The following QKI variants were observed in gnomAD, a reference collection of about 807,000 sequenced individuals.
QKI encodes the protein QKI, KH domain containing RNA binding, also known as KH domain-containing RNA-binding protein QKI.
In QKI, 10 loss-of-function variants were observed where a neutral mutation model predicts 39.0. The observed-to-expected ratio is 0.26, with a 90% CI of 0.16 to 0.43. QKI has a LOEUF of 0.43. Among genes scored for constraint, QKI ranks in the 20% least tolerant of loss-of-function variants. The probability of loss-of-function intolerance (pLI) is 1.00; values close to 1 mark genes in which losing one functional copy is unlikely to be tolerated. For missense variants in QKI, 218 were observed against 428.0 expected (o/e 0.51, Z 4.33); for synonymous variants, 204 against 155.4 (o/e 1.31, Z -2.33).
chr6:163,419,018 CAG>C (rs1455956759), intron 1 of QKI, among the ~76,000 whole-genome samples: 1 of 152,000 alleles, frequency 6.6e-6, no homozygotes, highest in East Asian at 1.9e-4. Flanking sequence ...TCGTGGATAT[CAG>C]AAAAATTAGT....
chr6:163,546,310 C>T (rs766930945), intron 4 of QKI, among the ~76,000 whole-genome samples: 36 of 151,536 alleles, frequency 2.4e-4, no homozygotes, highest in Non-Finnish European at 4.9e-4. Flanking sequence ...CATCATGTTC[C>T]TTATATATAG....
chr6:163,486,897 A>G (rs369319812), intron 3 of QKI, among the ~76,000 whole-genome samples: 3 of 152,242 alleles, frequency 2.0e-5, no homozygotes, highest in South Asian at 2.1e-4. Flanking sequence ...GTGATAGGAA[A>G]GTACACTTAA....
chr6:163,444,958 G>A (rs79817848), intron 1 of QKI, among the ~76,000 whole-genome samples: 33 of 151,662 alleles, frequency 2.2e-4, no homozygotes, highest in African/African-American at 6.3e-4. Flanking sequence ...TCACCCAGGC[G>A]AGTGCAGCGG....
chr6:163,415,455 C>T, intron 1 of QKI, 120 bp downstream of exon 1: 9 of 1,009,074 alleles, frequency 8.9e-6, no homozygotes, highest in Non-Finnish European at 1.1e-5. Flanking sequence ...GCCGGGGGGA[C>T]TGGGAGGCCA....
chr6:163,455,861 T>C (rs1280636319), intron 2 of QKI, among the ~76,000 whole-genome samples: 1 of 152,154 alleles, frequency 6.6e-6, no homozygotes, highest in Admixed American at 6.5e-5. Context: ...TTTTCCCCCA[T>C]CTTAGTCCAT....
chr6:163,444,327 G>A (rs1230987070), intron 1 of QKI, among the ~76,000 whole-genome samples: 2 of 152,188 alleles, frequency 1.3e-5, no homozygotes, highest in Non-Finnish European at 2.9e-5. Flanking sequence ...AGACCCAGAA[G>A]GTTCAGTTTG....
rs1171452093 is a variant in QKI at position 163,415,005 on chromosome 6, C to T, written c.-189C>T. The T allele has an allele frequency of 1.4e-5, 6 of 441,594 alleles. No homozygotes were observed. The South Asian group carries it at 4.6e-4, about 34-fold the overall frequency. The allele number at this position is 441,594 out of a possible 1,614,324, so 27.4% of individuals were successfully genotyped here. Reference sequence around the variant, plus strand: ...GCGCGTCGGGCCCGGGCGGAAAGTGCCTGCGGGGGGCGGGCGAGCGCGCGG... The same window carrying T: ...GCGCGTCGGGCCCGGGCGGAAAGTGTCTGCGGGGGGCGGGCGAGCGCGCGG... On this transcript the variant is annotated 5_prime_UTR_variant, in exon 1 of 8. Coordinates refer to ENST00000361752, the MANE Select transcript of QKI (RefSeq NM_006775.3).
At chr6:163,439,409 A>C (rs1789576756) in intron 1 of QKI, among the ~76,000 whole-genome samples, 1 of 135,782 alleles carries the variant, frequency 7.4e-6, no homozygotes, top group Admixed American at 7.9e-5. Flanking sequence ...TTGCAGTGGC[A>C]CGATCTCGGC....
At chr6:163,482,019 T>C (rs1031210970) in intron 3 of QKI, among the ~76,000 whole-genome samples, 1 of 151,912 alleles carries the variant, frequency 6.6e-6, no homozygotes, top group Non-Finnish European at 1.5e-5. Flanking sequence ...ATCTCTACAA[T>C]AAAACTTAAA....
At chr6:163,486,871 C>G (rs1777716697) in intron 3 of QKI, among the ~76,000 whole-genome samples, 1 of 152,098 alleles carries the variant, frequency 6.6e-6, no homozygotes, top group South Asian at 2.1e-4. Flanking sequence ...GAGCTTTATG[C>G]CTAAGACTGT....
intron 3 of QKI, among the ~76,000 whole-genome samples, chr6:163,479,712 A>C (rs1007510572): frequency 6.6e-6 from 1 of 152,242 alleles, no homozygotes; most frequent in Non-Finnish European, 1.5e-5. Context: ...GCAAATTAAA[A>C]TATCAGTTCA....
intron 3 of QKI, among the ~76,000 whole-genome samples, chr6:163,529,477 C>G (rs979823187): frequency 6.6e-6 from 1 of 151,814 alleles, no homozygotes; most frequent in African/African-American, 2.4e-5. Flanking sequence ...AGCAAACTTT[C>G]TAATAGCTAG....
rs1215316801 is a variant in QKI at position 163,428,979 on chromosome 6, C to G, written c.142+13644C>G. On this transcript the variant is annotated intron_variant, in intron 1 of 7. Transcript: ENST00000361752. ...TCCTAAAATGTAGAGAATTGGAGAT[C>G]GATCCACAGATTTTCAGTTCATCTT... 1.3e-5 allele frequency: 2 copies of G among 152,152 alleles called. 1 individual carries two copies. The highest frequency in any genetic ancestry group is 4.1e-4 in the South Asian group (2 of 4,824). 9.4% of individuals were successfully genotyped at this position (152,152 alleles called of 1,614,324 possible). A position where few individuals can be genotyped will look rare whatever the true frequency, so the allele number is the denominator to read the frequency against.
At chr6:163,477,911 C>T (rs1583059160) in intron 2 of QKI, among the ~76,000 whole-genome samples, 1 of 152,098 alleles carries the variant, frequency 6.6e-6, no homozygotes, top group Non-Finnish European at 1.5e-5. Flanking sequence ...AGTAGAAGAC[C>T]ATATGCATAA....
At chr6:163,520,033 A>T (rs1049789926) in intron 3 of QKI, among the ~76,000 whole-genome samples, 9 of 152,172 alleles carry the variant, frequency 5.9e-5, no homozygotes, top group Non-Finnish European at 1.0e-4. Context: ...CACCAGTGAA[A>T]CATTTTAGAG....
intron 3 of QKI, among the ~76,000 whole-genome samples, chr6:163,486,853 G>A (rs1016502): frequency 0.84 from 127,797 of 152,184 alleles, 54,251 homozygotes; most frequent in East Asian, 1. Context: ...TCAGTTCACC[G>A]AATAGTAGAG....
chr6:163,439,870 G>A (rs967163402), intron 1 of QKI, among the ~76,000 whole-genome samples: 2 of 151,782 alleles, frequency 1.3e-5, no homozygotes, highest in Admixed American at 1.3e-4. Flanking sequence ...GGCTGATCTC[G>A]AACTCCTGAT....
intron 3 of QKI, among the ~76,000 whole-genome samples, chr6:163,481,033 A>G (rs1393689389): frequency 6.6e-6 from 1 of 152,130 alleles, no homozygotes; most frequent in African/African-American, 2.4e-5. Flanking sequence ...ATACTGTTGC[A>G]CTCTTATAAG....
chr6:163,569,437 G>A (rs1298694642), intron 7 of QKI: 6 of 1,275,942 alleles, frequency 4.7e-6, no homozygotes, highest in Non-Finnish European at 6.1e-6. Flanking sequence ...CTCTGCCTTA[G>A]TCACAATGGC....
Sources: gnomAD v4.1 joint callset for allele counts (sites outside exome capture counted in the v4.1 genomes callset) on GRCh38, gnomAD v4.1.1 for gene constraint, MANE v1.5 for transcripts, NCBI Gene and HGNC (gene_info 2026-07-23, HGNC 2026-07-21) for gene names.